TPH2: variants seen among roughly 807,000 people sequenced by gnomAD.
The protein encoded by TPH2 is tryptophan 5-hydroxylase 2.
In TPH2, 27 loss-of-function variants were observed where a neutral mutation model predicts 59.1. The ratio of observed to expected loss-of-function variants is 0.46; its 90% CI spans 0.34 to 0.63. TPH2 has a LOEUF of 0.63. Among genes scored for constraint, TPH2 ranks in the 30% least tolerant of loss-of-function variants. The pLI, the probability that TPH2 is intolerant of heterozygous loss-of-function variation, is 0.01. For missense variants in TPH2, 523 were observed against 588.3 expected (o/e 0.89, Z 1.15); for synonymous variants, 220 against 210.5 (o/e 1.05, Z -0.39).
At chr12:71,951,016 G>A (rs1283822530) in intron 5 of TPH2, among the ~76,000 whole-genome samples, 3 of 152,094 alleles carry the variant, frequency 2.0e-5, no homozygotes, top group Admixed American at 1.3e-4. Flanking sequence ...CATGGCACAT[G>A]TCCTTTCACA....
intron 5 of TPH2, among the ~76,000 whole-genome samples, chr12:71,956,828 T>C (rs1002940861): frequency 1.3e-5 from 2 of 152,116 alleles, no homozygotes; most frequent in African/African-American, 4.8e-5. Flanking sequence ...CAGGCTGGTC[T>C]CAGACTCTTG....
At chr12:72,015,614 C>T (rs553786209) in intron 8 of TPH2, among the ~76,000 whole-genome samples, 9 of 152,176 alleles carry the variant, frequency 5.9e-5, no homozygotes, top group East Asian at 1.9e-4. Flanking sequence ...CCACCGCGCC[C>T]GGCTTTATGT....
intron 7 of TPH2, among the ~76,000 whole-genome samples, chr12:71,983,765 C>T (rs1191924266): frequency 6.7e-6 from 1 of 149,462 alleles, no homozygotes; most frequent in Non-Finnish European, 1.5e-5. Flanking sequence ...GACAGACAGA[C>T]AGACACACAC....
chr12:71,944,748 C>G, intron 4 of TPH2, 62 bp downstream of exon 4: 2 of 1,430,076 alleles, frequency 1.4e-6, no homozygotes, highest in Non-Finnish European at 2.0e-6. Context: ...GTGCCAGGCA[C>G]TGTGCCATGT....
At chr12:71,965,904 G>C (rs896580198) in intron 5 of TPH2, among the ~76,000 whole-genome samples, 1 of 152,076 alleles carries the variant, frequency 6.6e-6, no homozygotes, top group African/African-American at 2.4e-5. Context: ...TATCCAAGAG[G>C]GTACTGCCTA....
At chr12:72,000,188 C>T (rs1393796782) in intron 8 of TPH2, among the ~76,000 whole-genome samples, 1 of 152,120 alleles carries the variant, frequency 6.6e-6, no homozygotes, top group Non-Finnish European at 1.5e-5. Context: ...GGAAAGAATC[C>T]TGAAATAAGA....
At chr12:71,962,796 G>T in intron 5 of TPH2, 1 of 571,918 alleles carries the variant, frequency 1.7e-6, no homozygotes, top group Non-Finnish European at 2.2e-6. Context: ...TCAGCTCACT[G>T]CAACCTCCGC....
chr12:71,961,107 G>T lies in TPH2; in HGVS notation c.609-11412G>T, dbSNP rs549928211. Among the ~76,000 whole-genome samples, 16 of 152,226 alleles carry T rather than the reference G, an allele frequency of 1.1e-4. No homozygotes were observed. The South Asian group carries it at 3.1e-3, about 30-fold the overall frequency. On this transcript the variant is annotated intron_variant, in intron 5 of 10. Transcript: ENST00000333850. The stretch of plus-strand genomic sequence containing the variant: ...AAACCTTGATGCTAGGTACATATTG[G>T]GTACTCAGTACCTTGTACTGATGTG...
chr12:72,002,604 C>T (rs191865925), intron 8 of TPH2, among the ~76,000 whole-genome samples: 1 of 152,212 alleles, frequency 6.6e-6, no homozygotes, highest in African/African-American at 2.4e-5. Flanking sequence ...ATACATTATA[C>T]GGTCACAGTG....
At chr12:71,961,295 A>G (rs1253512488) in intron 5 of TPH2, among the ~76,000 whole-genome samples, 1 of 152,228 alleles carries the variant, frequency 6.6e-6, no homozygotes, top group Non-Finnish European at 1.5e-5. Flanking sequence ...ACTCTGTGGG[A>G]TAAGCATTAT....
At chr12:71,946,981 T>C (rs1045106260) in intron 4 of TPH2, among the ~76,000 whole-genome samples, 1 of 152,146 alleles carries the variant, frequency 6.6e-6, no homozygotes, top group African/African-American at 2.4e-5. Flanking sequence ...GCATCTAGAC[T>C]GGGAAGGTCT....
In TPH2 at chr12:71,992,411, C is replaced by T. The variant is rs980738654; in HGVS notation, c.942-2028C>T. 8.1e-5 allele frequency among the ~76,000 whole-genome samples: 12 copies of T among 148,780 alleles called. 1 individual carries two copies. Among genetic ancestry groups the T allele is most frequent in the Admixed American group, 7.3e-4 (11 of 14,966 alleles). On this transcript the variant is annotated intron_variant, in intron 7 of 10. Transcript: ENST00000333850. The stretch of plus-strand genomic sequence containing the variant: ...AGCTTGGGCAACATTGTGAGGAACC[C>T]CCACCCCCACCCCCACCCCCGCCCC...
chr12:72,021,356 AGTGTGTGTGTGTGTGTGTGT>A (rs57532900), intron 8 of TPH2, among the ~76,000 whole-genome samples: 1 of 143,322 alleles, frequency 7.0e-6, no homozygotes, highest in East Asian at 2.1e-4. Context: ...GGGCCAATAA[AGTGTGTGTGTGTGTGTGTGT>A]GTGTGTGTGT....
At position 71,972,713 on chromosome 12, in the gene TPH2, A is replaced by T. The variant is rs1261065645; in HGVS notation, c.803A>T (p.Lys268Ile). The T allele has an allele frequency of 6.2e-7, 1 of 1,613,492 alleles. No homozygotes were observed. The highest frequency in any genetic ancestry group is 8.5e-7 in the Non-Finnish European group (1 of 1,179,956). The change falls in exon 6 of 11, where the codon AAA (lysine) becomes ATA (isoleucine). Residue 268 changes from lysine (K) to isoleucine (I), a missense_variant and splice_region_variant. Lys to Ile is a moderately radical substitution (Grantham distance 102). Transcript: ENST00000333850. ...CTCGAAGATGTCTCCATGTTTCTGA[A>T]AGGTAAGATTTCACACAGGCTGTCT... ...PQLEDVSMFL[K>I]ERSGFTVRPV...
rs149493578 is a variant in TPH2 at position 72,000,610 on chromosome 12, G to GT, written c.1068+6046dup. 4.2e-3 allele frequency among the ~76,000 whole-genome samples: 644 copies of GT among 152,298 alleles called. 3 individuals carry two copies. The highest frequency in any genetic ancestry group is 0.015 in the African/African-American group (612 of 41,566). ...TGCAGATCCATTAGACAATAGGAGA[G>GT]TATGTCTTTCGAAAGGCACATAGTA... On this transcript the variant is annotated intron_variant, in intron 8 of 10. Coordinates refer to ENST00000333850, the MANE Select transcript of TPH2 (RefSeq NM_173353.4).
chr12:72,005,493 T>C (rs1221197740), intron 8 of TPH2, among the ~76,000 whole-genome samples: 1 of 152,208 alleles, frequency 6.6e-6, no homozygotes, highest in Non-Finnish European at 1.5e-5. Context: ...TTTTGGCATA[T>C]AGTCTTCTAG....
chr12:72,018,239 A>C (rs895614761), intron 8 of TPH2, among the ~76,000 whole-genome samples: 9 of 152,226 alleles, frequency 5.9e-5, no homozygotes, highest in African/African-American at 2.2e-4. Flanking sequence ...AAGGACTCCC[A>C]GATGAGGTCT....
rs1592404357 is a variant in TPH2, at chr12:71,997,641, C to T, written c.1068+3076C>T. On this transcript the variant is annotated intron_variant, in intron 8 of 10. Coordinates refer to ENST00000333850, the MANE Select transcript of TPH2 (RefSeq NM_173353.4). ...ATCATGTTTCACCATCTCTTTTTCT[C>T]TCCCTCTCTCTTTTATTGTCCTTTC... Among the ~76,000 whole-genome samples, 6 of 152,208 alleles carry T rather than the reference C, an allele frequency of 3.9e-5. No homozygotes were observed. In the South Asian group the frequency reaches 1.2e-3, roughly 32 times the overall value.
intron 7 of TPH2, among the ~76,000 whole-genome samples, chr12:71,986,956 T>G (rs1872453957): frequency 6.6e-6 from 1 of 152,290 alleles, no homozygotes; most frequent in East Asian, 1.9e-4. Flanking sequence ...TCATACCTCT[T>G]TACTACCGTG....
Sources: allele counts gnomAD v4.1 joint callset (sites outside exome capture counted in the v4.1 genomes callset), GRCh38; gene constraint gnomAD v4.1.1; transcripts MANE v1.5; gene names NCBI Gene and HGNC (gene_info 2026-07-23, HGNC 2026-07-21).